C10orf143: variants seen among roughly 807,000 people sequenced by gnomAD.
C10orf143 encodes chromosome 10 open reading frame 143.
chr10:130,036,307 T>G (rs918167676), intron 3 of C10orf143, among the ~76,000 whole-genome samples: 3 of 152,162 alleles, frequency 2.0e-5, no homozygotes, highest in Admixed American at 6.5e-5. Context: ...GGTCTTGAGC[T>G]CTGGTCTTCC....
At chr10:130,108,397 G>C in intron 1 of C10orf143, 1 of 980,778 alleles carries the variant, frequency 1.0e-6, no homozygotes, top group Non-Finnish European at 1.7e-6. Context: ...CTTCAGGGCT[G>C]ATTCCGCCTT....
chr10:130,093,866 CA>C, intron 1 of C10orf143, among the ~76,000 whole-genome samples: 1 of 151,828 alleles, frequency 6.6e-6, no homozygotes, highest in South Asian at 2.1e-4. Context: ...AAAAGTTAAC[CA>C]AGTGTAGTGG....
In C10orf143 at chr10:130,058,815, G is replaced by C. The variant is rs568079407; in HGVS notation, c.297+20751C>G. 5.9e-5 allele frequency among the ~76,000 whole-genome samples: 9 copies of C among 151,982 alleles called. No individual in the cohort carries two copies. The South Asian group carries it at 1.7e-3, about 28-fold the overall frequency. The stretch of plus-strand genomic sequence containing the variant: ...CACAGACCCCATCAACACTTTATGT[G>C]GGTTTTTTTTTTGAGATTTGACAAA... On this transcript the variant is annotated intron_variant and NMD_transcript_variant, in intron 3 of 5. Transcript: ENST00000643056.
At chr10:130,048,608 G>T (rs2134730053) in intron 3 of C10orf143, among the ~76,000 whole-genome samples, 2 of 152,270 alleles carry the variant, frequency 1.3e-5, no homozygotes, top group Admixed American at 1.3e-4. Flanking sequence ...GGCTCCAAGG[G>T]CCACCTACTA....
At chr10:130,036,399 T>C (rs1316139397) in intron 3 of C10orf143, among the ~76,000 whole-genome samples, 1 of 152,188 alleles carries the variant, frequency 6.6e-6, no homozygotes, top group Non-Finnish European at 1.5e-5. Flanking sequence ...TCCAGGCAGC[T>C]GCCATGCTGG....
downstream of C10orf143, among the ~76,000 whole-genome samples, chr10:130,060,622 G>C (rs937859231): frequency 2.0e-5 from 3 of 148,496 alleles, no homozygotes; most frequent in Non-Finnish European, 4.5e-5. Flanking sequence ...AGGAGATCGA[G>C]ACCATCCTGG....
chr10:130,069,368 G>A lies in C10orf143; in HGVS notation c.298-4985C>T, dbSNP rs548508920. 3.3e-3 allele frequency among the ~76,000 whole-genome samples: 503 copies of A among 152,234 alleles called. 6 individuals carry two copies. The highest frequency in any genetic ancestry group is 0.012 in the African/African-American group (478 of 41,554). ...GAAATTATAATGATAGAGAAATTAAGACATCCCCAGATAAACAAAAACAGA... is the reference window on the plus strand; with the variant it reads ...GAAATTATAATGATAGAGAAATTAAAACATCCCCAGATAAACAAAAACAGA... On this transcript the variant is annotated intron_variant, in intron 3 of 3. Coordinates refer to ENST00000637128, the MANE Select transcript of C10orf143 (RefSeq NM_001355042.2).
chr10:130,107,342 G>A (rs1197058560), intron 1 of C10orf143: 6 of 1,067,182 alleles, frequency 5.6e-6, no homozygotes, highest in Non-Finnish European at 8.8e-6. Flanking sequence ...CAGACAGCGA[G>A]CCAAAGATCT....
chr10:130,096,120 G>A (rs1848709412), intron 1 of C10orf143, among the ~76,000 whole-genome samples: 1 of 152,000 alleles, frequency 6.6e-6, no homozygotes, highest in Non-Finnish European at 1.5e-5. Flanking sequence ...AACCCCATCA[G>A]AAAGTGGGTA....
At chr10:130,070,599 A>G (rs1228927687) in intron 3 of C10orf143, among the ~76,000 whole-genome samples, 2 of 152,220 alleles carry the variant, frequency 1.3e-5, no homozygotes, top group Non-Finnish European at 2.9e-5. Flanking sequence ...AGATATCACC[A>G]AAACACTGCA....
At chr10:130,076,653 T>C (rs928607021) in intron 3 of C10orf143, among the ~76,000 whole-genome samples, 4 of 152,168 alleles carry the variant, frequency 2.6e-5, no homozygotes, top group African/African-American at 9.7e-5. Flanking sequence ...CCTCCCCTTT[T>C]CATGTACCTT....
At chr10:130,073,707 T>C (rs1026063773) in intron 3 of C10orf143, among the ~76,000 whole-genome samples, 4 of 152,178 alleles carry the variant, frequency 2.6e-5, no homozygotes, top group African/African-American at 9.7e-5. Flanking sequence ...TTGTAGGAAG[T>C]CTAAATTGAA....
downstream of C10orf143, among the ~76,000 whole-genome samples, chr10:130,063,681 C>T (rs1171797113): frequency 6.6e-6 from 1 of 152,192 alleles, no homozygotes; most frequent in Non-Finnish European, 1.5e-5. Context: ...CTGCAGATAA[C>T]GTGATGCGGA....
At chr10:130,088,339 G>A (rs940626858) in intron 1 of C10orf143, among the ~76,000 whole-genome samples, 4 of 152,052 alleles carry the variant, frequency 2.6e-5, no homozygotes, top group Non-Finnish European at 5.9e-5. Context: ...AGCCAGGATC[G>A]CGCCATTGCA....
rs1218857585 is a variant in C10orf143, at chr10:130,056,161, CTT to C, written c.298-20193_298-20192del. ...TAAATTTAGATGTCAGAAAGGAAAT[CTT>C]GTTTGTCCTGATTTAGGGCTGAAAA... is the stretch of plus-strand genomic sequence containing the variant. On this transcript the variant is annotated intron_variant and NMD_transcript_variant, in intron 3 of 5. Transcript: ENST00000643056. This position sits in a 1 kb window ranked among gnomAD's most constrained non-coding sequence, Gnocchi z 4.6. 6.6e-6 allele frequency among the ~76,000 whole-genome samples: 1 copy of C among 152,054 alleles called. No individual in the cohort carries two copies. The highest frequency in any genetic ancestry group is 2.4e-5 in the African/African-American group (1 of 41,386).
At chr10:130,109,346 C>A (rs754379111) in intron 1 of C10orf143, among the ~76,000 whole-genome samples, 2 of 152,076 alleles carry the variant, frequency 1.3e-5, no homozygotes, top group Non-Finnish European at 2.9e-5. Flanking sequence ...GAGGGTGACA[C>A]CCAGGGGATG....
Position 130,070,893 on chromosome 10 carries a change from T to C in C10orf143, c.298-6510A>G, listed in dbSNP as rs184203951. ...TTAGGTTGTTTCTGGCTTTTCTTAC[T>C]CTAACAGTGCAACAACAAATATTTT... On this transcript the variant is annotated intron_variant, in intron 3 of 3. Transcript: ENST00000637128. 3.3e-3 allele frequency among the ~76,000 whole-genome samples: 510 copies of C among 152,332 alleles called. 6 individuals are homozygous for C. The highest frequency in any genetic ancestry group is 0.012 in the African/African-American group (483 of 41,572).
At chr10:130,062,759 T>C (rs538269251), downstream of C10orf143, among the ~76,000 whole-genome samples, 2 of 152,328 alleles carry the variant, frequency 1.3e-5, no homozygotes, top group African/African-American at 4.8e-5. Context: ...TATACACTTA[T>C]CCTATTCTGT....
At chr10:130,105,910 C>T (rs1453242473) in intron 1 of C10orf143, 2 of 367,534 alleles carry the variant, frequency 5.4e-6, no homozygotes, top group Non-Finnish European at 1.1e-5. Context: ...CCCCCAGCTC[C>T]CCCCCGCAGC....
Sources: allele counts gnomAD v4.1 joint callset (sites outside exome capture counted in the v4.1 genomes callset), GRCh38; gene constraint gnomAD v4.1.1; non-coding constraint Gnocchi (gnomAD v3.1); transcripts MANE v1.5; gene names NCBI Gene and HGNC (gene_info 2026-07-23, HGNC 2026-07-21).